Variants in TPST2 observed in about 807,000 individuals in gnomAD.
The protein encoded by TPST2 is protein-tyrosine sulfotransferase 2.
Under a neutral mutation model 27.8 loss-of-function variants are expected in TPST2, and 16 were observed. The observed-to-expected ratio is 0.58, with a 90% CI of 0.39 to 0.88. TPST2 has a LOEUF of 0.88. TPST2 is among the 40% of genes least tolerant of loss of function. The pLI is 0.00. For missense variants in TPST2, 464 were observed against 543.1 expected (o/e 0.85, Z 1.45); for synonymous variants, 229 against 231.7 (o/e 0.99, Z 0.10).
chr22:26,567,650 G>T (rs1927432309), intron 1 of TPST2, among the ~76,000 whole-genome samples: 1 of 152,054 alleles, frequency 6.6e-6, no homozygotes, highest in Non-Finnish European at 1.5e-5. Context: ...CATGAAAAAA[G>T]ATATTTATAA....
intron 1 of TPST2, among the ~76,000 whole-genome samples, chr22:26,552,379 A>T (rs1926530544): frequency 6.6e-6 from 1 of 152,160 alleles, no homozygotes; most frequent in African/African-American, 2.4e-5. Flanking sequence ...GGGCGCTATT[A>T]TTAGCCACGT....
At chr22:26,538,001 T>A (rs1024989365) in intron 3 of TPST2, among the ~76,000 whole-genome samples, 1 of 152,226 alleles carries the variant, frequency 6.6e-6, no homozygotes, top group Non-Finnish European at 1.5e-5. Context: ...ATAACCATCA[T>A]CTTCAACCTG....
intron 1 of TPST2, among the ~76,000 whole-genome samples, chr22:26,569,014 C>A (rs1419445832): frequency 2.0e-5 from 3 of 152,100 alleles, no homozygotes; most frequent in Admixed American, 2.0e-4. Context: ...CAGGCGCCCA[C>A]CACCACGCTC....
At chr22:26,555,840 A>T (rs889486644) in intron 1 of TPST2, among the ~76,000 whole-genome samples, 2 of 152,192 alleles carry the variant, frequency 1.3e-5, no homozygotes, top group Non-Finnish European at 2.9e-5. Context: ...TGTGGGGGAG[A>T]CAGCCCCTCT....
chr22:26,546,098 A>G (rs1245498524), intron 1 of TPST2, among the ~76,000 whole-genome samples: 1 of 152,056 alleles, frequency 6.6e-6, no homozygotes, highest in Non-Finnish European at 1.5e-5. Context: ...AAAAGAAAAA[A>G]AAAACTCAGC....
chr22:26,548,254 A>G (rs947139751), intron 1 of TPST2, among the ~76,000 whole-genome samples: 3 of 151,400 alleles, frequency 2.0e-5, no homozygotes, highest in Non-Finnish European at 1.5e-5. Context: ...AGGTGGGAGA[A>G]TCACTTAAGC....
chr22:26,578,068 A>G (rs1411632695), intron 1 of TPST2, among the ~76,000 whole-genome samples: 1 of 152,174 alleles, frequency 6.6e-6, no homozygotes, highest in African/African-American at 2.4e-5. Context: ...ATCTTTAAGA[A>G]TTACCAAAAG....
chr22:26,568,903 T>G (rs1186834822), intron 1 of TPST2, among the ~76,000 whole-genome samples: 1 of 139,118 alleles, frequency 7.2e-6, no homozygotes, highest in Non-Finnish European at 1.5e-5. Context: ...TCGCTCTGTC[T>G]CCCAGGCTGG....
intron 1 of TPST2, among the ~76,000 whole-genome samples, chr22:26,566,683 C>T (rs909103750): frequency 1.3e-5 from 2 of 152,136 alleles, no homozygotes; most frequent in Non-Finnish European, 2.9e-5. Context: ...ACCCAGGAGG[C>T]GGAGTTTGCA....
chr22:26,540,286 CT>C (rs1459767200), intron 3 of TPST2, among the ~76,000 whole-genome samples: 2 of 152,126 alleles, frequency 1.3e-5, no homozygotes, highest in Admixed American at 1.3e-4. Flanking sequence ...TATTGCCTTA[CT>C]ACAAAGCATA....
intron 3 of TPST2, among the ~76,000 whole-genome samples, 183 bp downstream of exon 3, chr22:26,540,606 G>T (rs577494506): frequency 6.6e-6 from 1 of 152,306 alleles, no homozygotes; most frequent in Admixed American, 6.5e-5. Context: ...GAAGTTTGCA[G>T]ATTCTCTCAG....
intron 4 of TPST2, 34 bp downstream of exon 4, chr22:26,536,254 G>T: frequency 6.2e-7 from 1 of 1,612,434 alleles, no homozygotes; most frequent in South Asian, 1.1e-5. Flanking sequence ...ATATCCCCAA[G>T]AGTACACTTC....
intron 1 of TPST2, among the ~76,000 whole-genome samples, chr22:26,577,543 G>T (rs1309039799): frequency 6.6e-6 from 1 of 151,170 alleles, no homozygotes; most frequent in Non-Finnish European, 1.5e-5. Flanking sequence ...TAGAGATGGG[G>T]TTTCACCGTG....
At chr22:26,535,364 T>C (rs1925395562) in intron 4 of TPST2, among the ~76,000 whole-genome samples, 1 of 152,202 alleles carries the variant, frequency 6.6e-6, no homozygotes, top group South Asian at 2.1e-4. Flanking sequence ...TATTTGCCTA[T>C]AAGGAAGTTA....
chr22:26,550,383 A>C (rs1926402121), intron 1 of TPST2, among the ~76,000 whole-genome samples: 1 of 152,224 alleles, frequency 6.6e-6, no homozygotes, highest in Non-Finnish European at 1.5e-5. Context: ...GGCATTCCCC[A>C]GGGGTTAAAG....
In TPST2 at chr22:26,570,025, AAGAAAGAAAGAAAGAAAGAC is replaced by A. The variant is rs1569193893; in HGVS notation, c.-161+20008_-161+20027del. ...AAAGAAAGAAAGAAAGAAAGAAAGA[AAGAAAGAAAGAAAGAAAGAC>A]AGAAAGAAAGAAAGAAAGAAGGAAA... On this transcript the variant is annotated intron_variant, in intron 1 of 6. Transcript: ENST00000338754. Among the ~76,000 whole-genome samples the A allele has an allele frequency of 1.1e-3, 143 of 125,976 alleles. 5 individuals are homozygous for A. The highest frequency in any genetic ancestry group is 4.0e-3 in the Middle Eastern group (1 of 252). 82.6% of individuals were successfully genotyped at this position (125,976 alleles called of 152,430 possible). A position where few individuals can be genotyped will look rare whatever the true frequency, so the allele number is the denominator to read the frequency against.
chr22:26,547,595 A>G (rs1029181424), intron 1 of TPST2: 2 of 152,172 alleles, frequency 1.3e-5, no homozygotes, highest in African/African-American at 2.4e-5. Flanking sequence ...CACACAGCAA[A>G]ATCGCCAACA....
At chr22:26,564,857 C>T (rs1033616092) in intron 1 of TPST2, among the ~76,000 whole-genome samples, 9 of 152,182 alleles carry the variant, frequency 5.9e-5, no homozygotes, top group Non-Finnish European at 1.2e-4. Context: ...GTCAGCATTA[C>T]TCATCTGAAT....
intron 1 of TPST2, among the ~76,000 whole-genome samples, chr22:26,578,770 G>A (rs1414005208): frequency 1.3e-5 from 2 of 151,982 alleles, no homozygotes; most frequent in Non-Finnish European, 2.9e-5. Context: ...CTATTTGCAT[G>A]ATCCAGAACA....
Sources: allele counts gnomAD v4.1 joint callset (sites outside exome capture counted in the v4.1 genomes callset), GRCh38; gene constraint gnomAD v4.1.1; transcripts MANE v1.5; gene names NCBI Gene and HGNC (gene_info 2026-07-23, HGNC 2026-07-21).